The following EML6 variants were observed in gnomAD, a reference collection of about 807,000 sequenced individuals.
The protein encoded by EML6 is echinoderm microtubule-associated protein-like 6.
Under a neutral mutation model 240.1 loss-of-function variants are expected in EML6, and 154 were observed. The observed-to-expected ratio is 0.64, with a 90% confidence interval of 0.56 to 0.73. The LOEUF (loss-of-function observed/expected upper bound fraction) is 0.73. Among genes scored for constraint, EML6 ranks in the 30% least tolerant of loss-of-function variants. The pLI is 0.00. For missense variants in EML6, 2,964 were observed against 2,474.6 expected (o/e 1.20, Z -4.20); for synonymous variants, 1,148 against 899.0 (o/e 1.28, Z -4.95).
chr2:54,796,726 A>AGC (rs1453449030), intron 2 of EML6, among the ~76,000 whole-genome samples: 1 of 152,144 alleles, frequency 6.6e-6, no homozygotes, highest in Non-Finnish European at 1.5e-5. Context: ...GGATCTACAA[A>AGC]GCGCCTACTT....
intron 36 of EML6, 49 bp from the exon 37 acceptor site, chr2:54,963,937 C>A: frequency 1.2e-5 from 18 of 1,503,504 alleles, no homozygotes; most frequent in Non-Finnish European, 1.6e-5. Flanking sequence ...TCCTGGAGAC[C>A]AGCTGAGGGG....
intron 21 of EML6, among the ~76,000 whole-genome samples, chr2:54,897,332 T>C (rs1364266793): frequency 6.6e-6 from 1 of 152,222 alleles, no homozygotes; most frequent in East Asian, 1.9e-4. Context: ...TTTGTTTCTA[T>C]TGCTCTAATA....
chr2:54,847,947 C>A (rs1270188673), intron 9 of EML6, among the ~76,000 whole-genome samples: 1 of 152,170 alleles, frequency 6.6e-6, no homozygotes, highest in Non-Finnish European at 1.5e-5. Flanking sequence ...GCTGCCCCAG[C>A]CCCCACTGGG....
At chr2:54,788,168 C>T (rs1035957838) in intron 2 of EML6, among the ~76,000 whole-genome samples, 4 of 152,248 alleles carry the variant, frequency 2.6e-5, no homozygotes, top group Admixed American at 1.3e-4. Flanking sequence ...TCGCCAGGTT[C>T]TCGCTCACTC....
intron 7 of EML6, among the ~76,000 whole-genome samples, chr2:54,840,006 A>G (rs925059433): frequency 6.6e-6 from 1 of 152,248 alleles, no homozygotes; most frequent in Non-Finnish European, 1.5e-5. Context: ...TAAAAATAGC[A>G]GGACAATAAA....
chr2:54,726,681 T>C (rs1553366592), intron 2 of EML6, among the ~76,000 whole-genome samples: 1 of 152,214 alleles, frequency 6.6e-6, no homozygotes, highest in Non-Finnish European at 1.5e-5. Flanking sequence ...TACATAGTTT[T>C]GTTCTGCAGA....
chr2:54,927,578 T>C (rs554106877), intron 26 of EML6, among the ~76,000 whole-genome samples: 2 of 152,194 alleles, frequency 1.3e-5, no homozygotes, highest in Admixed American at 6.5e-5. Context: ...GGAAGCTTTT[T>C]CTGGTGCCAG....
intron 28 of EML6, among the ~76,000 whole-genome samples, chr2:54,938,718 G>A (rs1675276488): frequency 6.6e-6 from 1 of 152,222 alleles, no homozygotes; most frequent in African/African-American, 2.4e-5. Flanking sequence ...GTTCTCTTCA[G>A]CACAATGTGA....
chr2:54,907,390 C>T (rs1327794479), intron 24 of EML6, among the ~76,000 whole-genome samples: 1 of 152,000 alleles, frequency 6.6e-6, no homozygotes, highest in Non-Finnish European at 1.5e-5. Flanking sequence ...GCCTGTAATC[C>T]CAGCTACTTG....
At chr2:54,953,012 T>A (rs771544710) in intron 31 of EML6, among the ~76,000 whole-genome samples, 11 of 152,152 alleles carry the variant, frequency 7.2e-5, no homozygotes, top group Non-Finnish European at 1.0e-4. Flanking sequence ...TTATTGTGCT[T>A]GGCCAGGGTA....
intron 2 of EML6, among the ~76,000 whole-genome samples, chr2:54,808,351 G>C (rs1473198498): frequency 6.6e-6 from 1 of 152,040 alleles, no homozygotes; most frequent in African/African-American, 2.4e-5. Flanking sequence ...ACTGAGGTTG[G>C]GTCACTCCCC....
intron 2 of EML6, among the ~76,000 whole-genome samples, chr2:54,757,478 C>T (rs1474736118): frequency 1.3e-5 from 2 of 151,796 alleles, no homozygotes; most frequent in South Asian, 2.1e-4. Context: ...TGGGGGTGAC[C>T]GTGGGGTATG....
rs1463681135 is a variant in EML6, at chr2:54,971,941, A to C, written c.*1846A>C. The stretch of plus-strand genomic sequence containing the variant: ...CTGTATGATATATGTGAGTTAAAAC[A>C]TTGGTGCATGAATTTATTTTCAAAG... On this transcript the variant is annotated 3_prime_UTR_variant, in exon 42 of 42. Coordinates refer to ENST00000356458, the MANE Select transcript of EML6 (RefSeq NM_001039753.4). 1 of 152,234 alleles carries C rather than the reference A, an allele frequency of 6.6e-6. No homozygotes were observed. The highest frequency in any genetic ancestry group is 1.9e-4 in the East Asian group (1 of 5,204). 9.4% of individuals were successfully genotyped at this position (152,234 alleles called of 1,614,324 possible). A position where few individuals can be genotyped will look rare whatever the true frequency, so the allele number is the denominator to read the frequency against.
chr2:54,962,902 G>T (rs944654765), intron 36 of EML6, among the ~76,000 whole-genome samples, 191 bp downstream of exon 36: 2 of 152,298 alleles, frequency 1.3e-5, no homozygotes, highest in South Asian at 2.1e-4. Flanking sequence ...AATTGAGAAG[G>T]ATTATTCTGT....
intron 24 of EML6, among the ~76,000 whole-genome samples, chr2:54,905,417 G>A (rs2104242534): frequency 6.7e-6 from 1 of 148,806 alleles, no homozygotes; most frequent in Non-Finnish European, 1.5e-5. Context: ...ACCACTCAAT[G>A]ACTATTAGGG....
chr2:54,926,882 T>C (rs1674576704), intron 26 of EML6, among the ~76,000 whole-genome samples: 1 of 152,238 alleles, frequency 6.6e-6, no homozygotes, highest in East Asian at 1.9e-4. Context: ...TCTTGCCATC[T>C]AGAAACCCTG....
At chr2:54,895,535 A>G (rs777973450) in intron 21 of EML6, 135 bp downstream of exon 21, 3 of 772,864 alleles carry the variant, frequency 3.9e-6, no homozygotes, top group South Asian at 3.8e-5. Flanking sequence ...CTAGTTACCT[A>G]TTGCTGTGTA....
In EML6 at chr2:54,869,329, A is replaced by T; in HGVS notation, c.2200A>T (p.Thr734Ser). 2 of 1,551,612 alleles carry T rather than the reference A, an allele frequency of 1.3e-6. No homozygotes were observed. The highest frequency in any genetic ancestry group is 1.4e-5 in the African/African-American group (1 of 73,154). ...LGHDDDILSL[T>S]IHPVKDYVAT... ...GCACGATGACGACATTCTCAGCCTG[A>T]CCATCCATCCAGTGAAGGACTATGT... Residue 734 changes from threonine (T) to serine (S), a missense_variant, in exon 15 of 42, where the codon ACC becomes TCC. Physicochemically the swap from Thr to Ser is moderately conservative, Grantham distance 58. Coordinates refer to ENST00000356458, the MANE Select transcript of EML6 (RefSeq NM_001039753.4).
At chr2:54,915,196 A>C (rs1038799281) in intron 25 of EML6, among the ~76,000 whole-genome samples, 1 of 152,194 alleles carries the variant, frequency 6.6e-6, no homozygotes, top group Non-Finnish European at 1.5e-5. Flanking sequence ...GCTTCCAGCA[A>C]GTTCGACATT....
Sources: allele counts gnomAD v4.1 joint callset (sites outside exome capture counted in the v4.1 genomes callset), GRCh38; gene constraint gnomAD v4.1.1; transcripts MANE v1.5; gene names NCBI Gene and HGNC (gene_info 2026-07-23, HGNC 2026-07-21).